The following BLTP2 variants were observed in gnomAD, a reference collection of about 807,000 sequenced individuals.
BLTP2 encodes U937-associated antigen.
the BLTP2 span, chr17:28,637,024 G>A: frequency 6.2e-7 from 1 of 1,614,180 alleles, no homozygotes; most frequent in Admixed American, 1.7e-5. Context: ...CTGAGCACTG[G>A]GGTAGGGATG....
the BLTP2 span, chr17:28,633,163 C>T: frequency 6.3e-7 from 1 of 1,582,404 alleles, no homozygotes; most frequent in Non-Finnish European, 8.6e-7. Context: ...GTCGTCATAC[C>T]TGCCTCACAA....
chr17:28,636,903 A>C, the BLTP2 span: 26 of 1,266,746 alleles, frequency 2.1e-5, no homozygotes, highest in East Asian at 7.0e-5. Flanking sequence ...AAAAAAAGAC[A>C]GAGAAAGGCT....
the BLTP2 span, chr17:28,637,236 G>A: frequency 1.1e-5 from 14 of 1,252,526 alleles, no homozygotes; most frequent in Middle Eastern, 1.9e-4. Flanking sequence ...GTCCTCACTC[G>A]CCTTTCTCAC....
chr17:28,619,101 C>T, the BLTP2 span: 2 of 660,388 alleles, frequency 3.0e-6, no homozygotes, highest in Non-Finnish European at 5.0e-6. Context: ...CCAGTCCCTA[C>T]ATTTTTTTCA....
At chr17:28,634,406 A>G in the BLTP2 span, 1 of 770,606 alleles carries the variant, frequency 1.3e-6, no homozygotes, top group Non-Finnish European at 2.0e-6. Context: ...CACTCCACCC[A>G]CCCAAAACGG....
At chr17:28,633,620 T>A in the BLTP2 span, 5 of 1,614,080 alleles carry the variant, frequency 3.1e-6, no homozygotes, top group Non-Finnish European at 4.2e-6. Context: ...AGAAGACGGC[T>A]CTTGTCCCAC....
At chr17:28,638,597 G>A in the BLTP2 span, 3 of 1,613,678 alleles carry the variant, frequency 1.9e-6, no homozygotes, top group Non-Finnish European at 2.5e-6. Context: ...TGACATTGGA[G>A]ATGGAGGTGC....
the BLTP2 span, among the ~76,000 whole-genome samples, chr17:28,625,353 A>AG: frequency 2.0e-3 from 302 of 148,910 alleles, no homozygotes; most frequent in Non-Finnish European, 2.7e-3. Flanking sequence ...AAAAAAAAAA[A>AG]AAAAAGAAAA....
At chr17:28,630,038 A>AT in the BLTP2 span, among the ~76,000 whole-genome samples, 1 of 150,756 alleles carries the variant, frequency 6.6e-6, no homozygotes, top group African/African-American at 2.4e-5. Context: ...ATTTTTTTGT[A>AT]TTTTTTGTAG....
the BLTP2 span, chr17:28,638,014 C>A: frequency 6.2e-7 from 1 of 1,614,210 alleles, no homozygotes; most frequent in Non-Finnish European, 8.5e-7. Context: ...ATGCTTCCAC[C>A]TGAAGTCCTC....
the BLTP2 span, chr17:28,615,374 T>C: frequency 2.4e-6 from 2 of 837,930 alleles, no homozygotes; most frequent in South Asian, 1.8e-5. Flanking sequence ...TCACATACAA[T>C]GGTCTCTGCT....
the BLTP2 span, chr17:28,643,543 T>G: frequency 6.7e-7 from 1 of 1,495,976 alleles, no homozygotes; most frequent in African/African-American, 1.4e-5. Context: ...TGCAGAAGAG[T>G]GTCACTCTGC....
chr17:28,641,508 C>CG, the BLTP2 span, among the ~76,000 whole-genome samples: 1 of 152,072 alleles, frequency 6.6e-6, no homozygotes, highest in Non-Finnish European at 1.5e-5. Context: ...GGCATGGTGG[C>CG]GGATGACTGT....
At chr17:28,645,126 G>C in the BLTP2 span, 1 of 1,338,884 alleles carries the variant, frequency 7.5e-7, no homozygotes, top group South Asian at 1.6e-5. Context: ...GATCCGCGCA[G>C]CACCGCCGCG....
the BLTP2 span, chr17:28,641,845 C>A: frequency 1.9e-6 from 3 of 1,545,850 alleles, no homozygotes; most frequent in African/African-American, 2.7e-5. Flanking sequence ...CAAAACAAAC[C>A]CTGAGAACAA....
the BLTP2 span, chr17:28,619,064 C>T: frequency 1.0e-6 from 1 of 981,506 alleles, no homozygotes; most frequent in Non-Finnish European, 1.5e-6. Flanking sequence ...AGGAGGTAAA[C>T]CCAGAAATTA....
the BLTP2 span, chr17:28,616,590 T>G: frequency 6.2e-7 from 1 of 1,614,082 alleles, no homozygotes; most frequent in African/African-American, 1.3e-5. This position sits in a 1 kb window ranked among gnomAD's most constrained non-coding sequence, Gnocchi z 4.8. Context: ...ACCCTATTCT[T>G]CTGGGGCTCC....
chr17:28,624,476 A>C, the BLTP2 span: 3 of 1,214,414 alleles, frequency 2.5e-6, no homozygotes, highest in Admixed American at 6.8e-5. Flanking sequence ...ATCTTCCCTC[A>C]ATTTATCTGG....
chr17:28,633,983 C>T, the BLTP2 span: 1 of 1,614,106 alleles, frequency 6.2e-7, no homozygotes, highest in Non-Finnish European at 8.5e-7. Context: ...AGATCTGACG[C>T]CGACGGGAGC....
Sources: gnomAD v4.1 joint callset for allele counts (sites outside exome capture counted in the v4.1 genomes callset) on GRCh38, gnomAD v4.1.1 for gene constraint, Gnocchi (gnomAD v3.1) non-coding constraint, MANE v1.5 for transcripts, NCBI Gene and HGNC (gene_info 2026-07-23, HGNC 2026-07-21) for gene names.